TMTC2: variants seen among roughly 807,000 people sequenced by gnomAD.
TMTC2 encodes protein O-mannosyl-transferase TMTC2.
In TMTC2, 43 loss-of-function variants were observed where a neutral mutation model predicts 82.4. That is an observed-to-expected ratio of 0.52 (90% confidence interval 0.41 to 0.67). The LOEUF (loss-of-function observed/expected upper bound fraction) is 0.67, where lower values mean the gene tolerates loss of function less well. Ranked by LOEUF, TMTC2 falls within the 30% of genes least tolerant of loss-of-function variation. TMTC2 has a pLI of 0.00. For missense variants in TMTC2, 919 were observed against 1,012.4 expected, an observed-to-expected ratio of 0.91 and a Z score of 1.25; for synonymous variants, 408 against 381.9, an observed-to-expected ratio of 1.07 and a Z score of -0.80.
chr12:82,994,091 TC>T (rs781221147), intron 8 of TMTC2, among the ~76,000 whole-genome samples: 1 of 152,180 alleles, frequency 6.6e-6, no homozygotes, highest in African/African-American at 2.4e-5. Context: ...CTGTTTCTGT[TC>T]CTGCTATCTA....
intron 11 of TMTC2, among the ~76,000 whole-genome samples, chr12:83,126,093 T>A (rs1885090352): frequency 6.6e-6 from 1 of 152,186 alleles, no homozygotes; most frequent in African/African-American, 2.4e-5. Context: ...TATCAAGATG[T>A]CTAAGTCTGA....
rs141793713 is a variant in TMTC2, at chr12:82,988,643, C to T, written c.2070+2597C>T. ...ATGGAGTACTCAGATCCTTAATACC[C>T]CTCCCCTATCCCATGCAGAATACCA... On this transcript the variant is annotated intron_variant, in intron 8 of 11. Transcript: ENST00000321196. 4.3e-3 allele frequency among the ~76,000 whole-genome samples: 655 copies of T among 151,786 alleles called. 5 individuals are homozygous for T. Among genetic ancestry groups the T allele is most frequent in the African/African-American group, 0.015 (628 of 41,368 alleles).
chr12:82,854,469 G>A (rs978643914), intron 1 of TMTC2, among the ~76,000 whole-genome samples: 4 of 152,136 alleles, frequency 2.6e-5, no homozygotes, highest in Non-Finnish European at 5.9e-5. Context: ...GAGGAGGGTA[G>A]GGGTGGAGGG....
intron 11 of TMTC2, among the ~76,000 whole-genome samples, chr12:83,084,003 C>T (rs1397680209): frequency 6.6e-6 from 1 of 152,162 alleles, no homozygotes; most frequent in Non-Finnish European, 1.5e-5. Flanking sequence ...CTTTTTACCC[C>T]CGACACGTAT....
chr12:83,129,128 C>G (rs1394516700), intron 11 of TMTC2, among the ~76,000 whole-genome samples: 4 of 152,028 alleles, frequency 2.6e-5, no homozygotes, highest in African/African-American at 9.7e-5. Context: ...TTTTATTTTA[C>G]TAAAATAGCC....
intron 7 of TMTC2, among the ~76,000 whole-genome samples, chr12:82,981,738 T>G (rs116156673): frequency 6.6e-6 from 1 of 151,852 alleles, no homozygotes; most frequent in Non-Finnish European, 1.5e-5. Flanking sequence ...CCCGACCAAG[T>G]GTCTTCGTTT....
intron 2 of TMTC2, among the ~76,000 whole-genome samples, chr12:82,883,557 C>A (rs2137159366): frequency 6.6e-6 from 1 of 152,230 alleles, no homozygotes; most frequent in South Asian, 2.1e-4. Context: ...CTTTATGTTT[C>A]CAAAATGCTG....
chr12:82,790,059 G>T (rs1202970072), intron 1 of TMTC2, among the ~76,000 whole-genome samples: 1 of 151,836 alleles, frequency 6.6e-6, no homozygotes, highest in African/African-American at 2.4e-5. Context: ...AAAATTAGCT[G>T]GGTGTGGTGA....
intron 5 of TMTC2, 133 bp downstream of exon 5, chr12:82,965,242 T>C: frequency 1.5e-6 from 1 of 682,492 alleles, no homozygotes; most frequent in South Asian, 2.0e-5. Context: ...TATGAACCTC[T>C]AACAATTATA....
intron 3 of TMTC2, among the ~76,000 whole-genome samples, chr12:82,905,466 T>G (rs1874242848): frequency 6.6e-6 from 1 of 152,160 alleles, no homozygotes; most frequent in South Asian, 2.1e-4. Flanking sequence ...TAAGAGTGAA[T>G]CTGAGGAAAA....
intron 3 of TMTC2, among the ~76,000 whole-genome samples, chr12:82,923,606 T>A (rs192028431): frequency 6.6e-6 from 1 of 152,298 alleles, no homozygotes; most frequent in Admixed American, 6.5e-5. Flanking sequence ...TTAGCTTTAC[T>A]TTTTCACATT....
chr12:82,924,686 C>G (rs946685885), intron 3 of TMTC2, among the ~76,000 whole-genome samples: 1 of 152,172 alleles, frequency 6.6e-6, no homozygotes. Context: ...ATAGCCATCT[C>G]TGCTGCTCAT....
intron 11 of TMTC2, among the ~76,000 whole-genome samples, chr12:83,071,300 A>G (rs7956387): frequency 0.86 from 130,432 of 151,912 alleles, 56,345 homozygotes; most frequent in African/African-American, 0.95. Context: ...GACTACAGGC[A>G]ACTGCTACCA....
At chr12:82,735,771 C>T (rs1371103542) in intron 1 of TMTC2, among the ~76,000 whole-genome samples, 1 of 151,596 alleles carries the variant, frequency 6.6e-6, no homozygotes, top group African/African-American at 2.4e-5. Flanking sequence ...TCAAGACCAG[C>T]CTGGCCAACA....
chr12:82,913,651 C>T (rs1003095727), intron 3 of TMTC2, among the ~76,000 whole-genome samples: 1 of 152,136 alleles, frequency 6.6e-6, no homozygotes, highest in African/African-American at 2.4e-5. Flanking sequence ...CTCTATCTTA[C>T]TTAACCCTCT....
intron 7 of TMTC2, among the ~76,000 whole-genome samples, chr12:82,980,955 C>T (rs1645647212): frequency 6.6e-6 from 1 of 151,820 alleles, no homozygotes; most frequent in Non-Finnish European, 1.5e-5. Flanking sequence ...TTCATTTGCA[C>T]CTACAAGCAA....
intron 9 of TMTC2, among the ~76,000 whole-genome samples, chr12:83,042,774 C>G (rs1881942319): frequency 6.6e-6 from 1 of 152,192 alleles, no homozygotes; most frequent in South Asian, 2.1e-4. Context: ...GACCTCCTTT[C>G]CAGTTGAGCA....
intron 3 of TMTC2, among the ~76,000 whole-genome samples, chr12:82,918,185 A>G (rs1486180514): frequency 6.6e-6 from 1 of 152,178 alleles, no homozygotes; most frequent in Non-Finnish European, 1.5e-5. Flanking sequence ...ACTAGATTAT[A>G]GGTATGAGCC....
At chr12:82,992,693 A>C (rs905209067) in intron 8 of TMTC2, among the ~76,000 whole-genome samples, 1 of 152,074 alleles carries the variant, frequency 6.6e-6, no homozygotes, top group African/African-American at 2.4e-5. Flanking sequence ...ATTTTTAAGG[A>C]TCTCCCTTCC....
Sources: allele counts gnomAD v4.1 joint callset (sites outside exome capture counted in the v4.1 genomes callset), GRCh38; gene constraint gnomAD v4.1.1; transcripts MANE v1.5; gene names NCBI Gene and HGNC (gene_info 2026-07-23, HGNC 2026-07-21).